The following ADGRL1 variants were observed in gnomAD, a reference collection of about 807,000 sequenced individuals.
The protein encoded by ADGRL1 is adhesion G protein-coupled receptor L1, also known as CIRL-1.
A neutral mutation model predicts 148.9 loss-of-function variants in ADGRL1; 31 were observed. That is an observed-to-expected ratio of 0.21 (90% CI 0.16 to 0.28). The LOEUF (loss-of-function observed/expected upper bound fraction) is 0.28. Ranked by LOEUF, ADGRL1 falls within the 10% of genes least tolerant of loss-of-function variation. The pLI is 1.00. For synonymous variants in ADGRL1, 937 were observed against 900.3 expected, an observed-to-expected ratio of 1.04 and a Z score of -0.73; for missense variants, 1,521 against 2,058.8, an observed-to-expected ratio of 0.74 and a Z score of 5.05.
At chr19:14,182,755 G>T (rs899587071) in intron 2 of ADGRL1, among the ~76,000 whole-genome samples, 1 of 152,212 alleles carries the variant, frequency 6.6e-6, no homozygotes, top group Non-Finnish European at 1.5e-5. Flanking sequence ...GGCAGAGAAC[G>T]TAGCAGCAGA....
chr19:14,188,816 G>A (rs561562999), intron 1 of ADGRL1, among the ~76,000 whole-genome samples: 21 of 152,076 alleles, frequency 1.4e-4, no homozygotes, highest in Admixed American at 2.6e-4. Context: ...CTTTGTCACC[G>A]GGGCTGGAGT....
Position 14,163,662 on chromosome 19 carries a change from A to G in ADGRL1, c.395-256T>C, listed in dbSNP as rs368090677. Among the ~76,000 whole-genome samples the G allele has an allele frequency of 1.7e-3, 255 of 152,022 alleles. 3 individuals are homozygous for G. Among genetic ancestry groups the G allele is most frequent in the South Asian group, 0.017 (80 of 4,804 alleles). ...TGCCCAGCTGCCCCTCTCCCTGGAA[A>G]TGTGAACCCTGAAGGCCATTAAGAG... is the stretch of plus-strand genomic sequence containing the variant. On this transcript the variant is annotated intron_variant, in intron 4 of 22. Coordinates refer to ENST00000361434, the MANE Select transcript of ADGRL1 (RefSeq NM_014921.5).
chr19:14,181,361 C>T (rs1971179823), intron 2 of ADGRL1, among the ~76,000 whole-genome samples: 1 of 152,212 alleles, frequency 6.6e-6, no homozygotes, highest in Admixed American at 6.5e-5. Context: ...GGATCAAAAT[C>T]CCAGGGGTGA....
At chr19:14,199,954 G>C (rs1406872948) in intron 1 of ADGRL1, among the ~76,000 whole-genome samples, 3 of 150,212 alleles carry the variant, frequency 2.0e-5, no homozygotes, top group South Asian at 4.2e-4. Context: ...GGCTGGTCTC[G>C]ATCTCCTGAT....
intron 2 of ADGRL1, among the ~76,000 whole-genome samples, chr19:14,179,891 G>A (rs1398344288): frequency 6.6e-6 from 1 of 152,142 alleles, no homozygotes; most frequent in East Asian, 1.9e-4. Flanking sequence ...ACTCCAGCCT[G>A]GGCGACAAAC....
At chr19:14,168,311 G>A (rs568199492) in intron 4 of ADGRL1, among the ~76,000 whole-genome samples, 37 of 152,320 alleles carry the variant, frequency 2.4e-4, no homozygotes, top group African/African-American at 8.7e-4. Context: ...ACAAGTGAGT[G>A]CCTGGCCTCC....
At position 14,149,112 on chromosome 19, in the gene ADGRL1, A is replaced by G. The variant is rs1967888762; in HGVS notation, c.*1761T>C. 1 of 152,426 alleles carries G rather than the reference A, an allele frequency of 6.6e-6. No individual in the cohort carries two copies. Among genetic ancestry groups the G allele is most frequent in the African/African-American group, 2.4e-5 (1 of 41,348 alleles). 9.4% of individuals were successfully genotyped at this position (152,426 alleles called of 1,614,324 possible). On this transcript the variant is annotated 3_prime_UTR_variant, in exon 23 of 23. Coordinates refer to ENST00000361434, the MANE Select transcript of ADGRL1 (RefSeq NM_014921.5). Reference sequence around the variant, plus strand: ...GGCTGGGCTAGGGTGGCCTGGGGCTATGCTGCCCCTAGAGTTGAGGGAAGG... The same window carrying G: ...GGCTGGGCTAGGGTGGCCTGGGGCTGTGCTGCCCCTAGAGTTGAGGGAAGG...
intron 1 of ADGRL1, among the ~76,000 whole-genome samples, chr19:14,203,710 C>A (rs759642450): frequency 6.6e-6 from 1 of 152,184 alleles, no homozygotes; most frequent in Non-Finnish European, 1.5e-5. Flanking sequence ...CCACCCCCTC[C>A]CTGCAGGCTC....
At position 14,183,678 on chromosome 19, in the gene ADGRL1, C is replaced by A; in HGVS notation, c.-76G>T. ...TTTGCCCCACATCACCTGGCAGGCA[C>A]CACGGCCTGGACCACCAGCCTGGGG... On this transcript the variant is annotated 5_prime_UTR_variant, in exon 2 of 23. Transcript: ENST00000361434. 1 of 1,344,636 alleles carries A rather than the reference C, an allele frequency of 7.4e-7. No homozygotes were observed. The highest frequency in any genetic ancestry group is 1.0e-6 in the Non-Finnish European group (1 of 973,232). 83.3% of individuals were successfully genotyped at this position (1,344,636 alleles called of 1,614,324 possible).
chr19:14,181,056 A>T (rs919986949), intron 2 of ADGRL1, among the ~76,000 whole-genome samples: 1 of 151,954 alleles, frequency 6.6e-6, no homozygotes, highest in African/African-American at 2.4e-5. Context: ...TCGAAAAAAT[A>T]AATAAATAAA....
Position 14,151,070 on chromosome 19 carries a change from G to A in ADGRL1, c.4213C>T (p.Pro1405Ser), listed in dbSNP as rs1359777815. ...CCGGGGGGTGCGGGAGGGGGTGGGG[G>A]CAGGGCCTCACTGGGCCCCTCAGGG... is the stretch of plus-strand genomic sequence containing the variant. ...SSPEGPSEAL[P>S]PPPPAPPGPP... Residue 1405 changes from proline (P) to serine (S), a missense_variant, in exon 23 of 23, where the codon CCC becomes TCC. By Grantham distance (74) the Pro-to-Ser change is moderately conservative (BLOSUM62 -1). Around this residue, in one of 8 missense-constraint regions of ADGRL1, gnomAD observed 390 missense variants for 375.0 expected, o/e 1.04. Coordinates refer to ENST00000361434, the MANE Select transcript of ADGRL1 (RefSeq NM_014921.5). 1.4e-6 allele frequency: 1 copy of A among 709,460 alleles called. No individual in the cohort carries two copies. The highest frequency in any genetic ancestry group is 1.9e-5 in the African/African-American group (1 of 53,816). 43.9% of individuals were successfully genotyped at this position (709,460 alleles called of 1,614,324 possible).
Position 14,170,684 on chromosome 19 carries a change from T to C in ADGRL1, c.392A>G (p.Tyr131Cys). 1 of 1,599,026 alleles carries C rather than the reference T, an allele frequency of 6.3e-7. No homozygotes were observed. The highest frequency in any genetic ancestry group is 1.1e-5 in the South Asian group (1 of 90,520). The change falls in exon 4 of 23, where the codon TAC becomes TGC. Residue 131 changes from tyrosine to cysteine, a missense_variant and splice_region_variant. Around this residue, in one of 8 missense-constraint regions of ADGRL1, gnomAD observed 334 missense variants for 512.5 expected, o/e 0.65. Coordinates refer to ENST00000361434, the MANE Select transcript of ADGRL1 (RefSeq NM_014921.5). ...GCACAAGGAACAAGATGACTCACTG[T>C]AGGGGACACAGTCGTACTGCACCTC... ...YLEVQYDCVPYIFVCPGTLQK... is the reference protein window; with the variant it reads ...YLEVQYDCVPCIFVCPGTLQK...
At chr19:14,204,818 C>A (rs1226152869) in intron 1 of ADGRL1, among the ~76,000 whole-genome samples, 1 of 152,102 alleles carries the variant, frequency 6.6e-6, no homozygotes, top group Non-Finnish European at 1.5e-5. Flanking sequence ...TGCCCCCAGG[C>A]ACACATGTTG....
chr19:14,190,391 C>T (rs111310941), intron 1 of ADGRL1, among the ~76,000 whole-genome samples: 9,221 of 152,292 alleles, frequency 0.061, 404 homozygotes, highest in Non-Finnish European at 0.091. Context: ...CTCAGCCTTC[C>T]GTGTAGCTGG....
intron 1 of ADGRL1, among the ~76,000 whole-genome samples, chr19:14,192,662 T>G (rs2145115843): frequency 6.6e-6 from 1 of 152,294 alleles, no homozygotes; most frequent in East Asian, 1.9e-4. Context: ...GTGATTCTCC[T>G]GCCTCAGCCT....
intron 4 of ADGRL1, chr19:14,164,608 G>A (rs1165288431): frequency 1.3e-5 from 2 of 151,910 alleles, no homozygotes; most frequent in Non-Finnish European, 2.9e-5. Flanking sequence ...CCCTGGCCCG[G>A]ACCCCGATTT....
intron 2 of ADGRL1, among the ~76,000 whole-genome samples, chr19:14,182,536 G>A (rs1353335442): frequency 6.6e-6 from 1 of 152,214 alleles, no homozygotes; most frequent in Non-Finnish European, 1.5e-5. Flanking sequence ...GGGTATGGCA[G>A]GGAGGCCCTT....
intron 4 of ADGRL1, chr19:14,164,605 C>T (rs1255453507): frequency 1.3e-5 from 2 of 151,804 alleles, no homozygotes; most frequent in Admixed American, 6.6e-5. Flanking sequence ...CTCCCCTGGC[C>T]CGGACCCCGA....
At chr19:14,158,996 C>T (rs908411360) in intron 11 of ADGRL1, 94 bp downstream of exon 11, 65 of 1,490,988 alleles carry the variant, frequency 4.4e-5, no homozygotes, top group Non-Finnish European at 5.6e-5. Context: ...GTCAGCACCG[C>T]TGCCCTCTAC....
Sources: gnomAD v4.1 joint callset for allele counts (sites outside exome capture counted in the v4.1 genomes callset) on GRCh38, gnomAD v4.1.1 for gene constraint, gnomAD v4.1.1 regional missense constraint, MANE v1.5 for transcripts, NCBI Gene and HGNC (gene_info 2026-07-23, HGNC 2026-07-21) for gene names.